The following PAPPA2 variants were observed in gnomAD, a reference collection of about 807,000 sequenced individuals.
PAPPA2 encodes the protein pappalysin-2.
A neutral mutation model predicts 176.4 loss-of-function variants in PAPPA2; 86 were observed. That is an observed-to-expected ratio of 0.49 (90% CI 0.41 to 0.58). The LOEUF (loss-of-function observed/expected upper bound fraction) is 0.58, where lower values mean the gene tolerates loss of function less well. Ranked by LOEUF, PAPPA2 falls within the 20% of genes least tolerant of loss-of-function variation. The pLI, the probability that PAPPA2 is intolerant of heterozygous loss-of-function variation, is 0.00. For missense variants in PAPPA2, 2,073 were observed against 2,256.9 expected, an observed-to-expected ratio of 0.92 and a Z score of 1.65; for synonymous variants, 809 against 852.2, an observed-to-expected ratio of 0.95 and a Z score of 0.88.
intron 2 of PAPPA2, among the ~76,000 whole-genome samples, chr1:176,569,057 T>G (rs928082072): frequency 1.3e-5 from 2 of 152,232 alleles, no homozygotes; most frequent in South Asian, 2.1e-4. Context: ...CATACTCATG[T>G]GTACACATGC....
chr1:176,738,283 A>G (rs973271095), intron 12 of PAPPA2, among the ~76,000 whole-genome samples: 2 of 152,112 alleles, frequency 1.3e-5, no homozygotes, highest in African/African-American at 2.4e-5. Context: ...ACACTGTAAA[A>G]AGAGAGAGTG....
At chr1:176,634,963 ATAAATAGATAG>A (rs1558487024) in intron 3 of PAPPA2, among the ~76,000 whole-genome samples, 63 of 121,890 alleles carry the variant, frequency 5.2e-4, no homozygotes, top group African/African-American at 1.7e-3. Flanking sequence ...AGATAGATAG[ATAAATAGATAG>A]ATAGATAGAT....
intron 6 of PAPPA2, among the ~76,000 whole-genome samples, chr1:176,694,278 A>T (rs1660257686): frequency 6.6e-6 from 1 of 152,228 alleles, no homozygotes. Context: ...TTGGATCTTA[A>T]CTACACCTTT....
At chr1:176,737,802 T>C (rs933161922) in intron 12 of PAPPA2, among the ~76,000 whole-genome samples, 1 of 152,058 alleles carries the variant, frequency 6.6e-6, no homozygotes, top group Admixed American at 6.6e-5. Flanking sequence ...GGCAGCGACG[T>C]TCAAAAGGTA....
At chr1:176,620,142 A>G (rs965511856) in intron 3 of PAPPA2, among the ~76,000 whole-genome samples, 3 of 152,168 alleles carry the variant, frequency 2.0e-5, no homozygotes, top group East Asian at 1.9e-4. Flanking sequence ...ATGTTCTCAC[A>G]TGGTGGAATG....
intron 3 of PAPPA2, chr1:176,616,712 G>T: frequency 6.9e-7 from 1 of 1,458,914 alleles, no homozygotes; most frequent in Non-Finnish European, 9.5e-7. Context: ...AGGTCACATT[G>T]GTTGGATTGT....
At chr1:176,720,807 C>T (rs896871346) in intron 12 of PAPPA2, among the ~76,000 whole-genome samples, 1 of 152,078 alleles carries the variant, frequency 6.6e-6, no homozygotes, top group Non-Finnish European at 1.5e-5. Flanking sequence ...CCAAGGAAGC[C>T]AATGGCATAA....
In PAPPA2 at chr1:176,588,071, T is replaced by A. The variant is rs372166682; in HGVS notation, c.920-6453T>A. Among the ~76,000 whole-genome samples, 6 of 152,344 alleles carry A rather than the reference T, an allele frequency of 3.9e-5. No individual in the cohort carries two copies. The East Asian group carries it at 9.6e-4, about 24-fold the overall frequency. On this transcript the variant is annotated intron_variant, in intron 2 of 22. Coordinates refer to ENST00000367662, the MANE Select transcript of PAPPA2 (RefSeq NM_020318.3). ...TGGAATGTTTTTCCATTTGTTTGTG[T>A]CCTCTCTTATATCCTTGAGCAGTGG...
chr1:176,482,189 G>A (rs1030868485), intron 1 of PAPPA2, among the ~76,000 whole-genome samples: 1 of 152,194 alleles, frequency 6.6e-6, no homozygotes. Flanking sequence ...ACGCAATTCA[G>A]AAAAGTCTCC....
intron 10 of PAPPA2, among the ~76,000 whole-genome samples, chr1:176,708,864 G>A (rs1661006921): frequency 1.3e-5 from 2 of 152,048 alleles, no homozygotes; most frequent in Non-Finnish European, 2.9e-5. Context: ...TTTTAGTAAT[G>A]CTCTTATTGA....
chr1:176,828,533 G>T (rs1666946813), intron 21 of PAPPA2, among the ~76,000 whole-genome samples: 1 of 151,252 alleles, frequency 6.6e-6, no homozygotes, highest in Admixed American at 6.6e-5. Flanking sequence ...TAATACATAT[G>T]AGAAAGGGAG....
At chr1:176,738,053 G>A (rs955917307) in intron 12 of PAPPA2, among the ~76,000 whole-genome samples, 1 of 152,128 alleles carries the variant, frequency 6.6e-6, no homozygotes, top group Non-Finnish European at 1.5e-5. Flanking sequence ...AAAAGGAAGA[G>A]GTTATGGAAA....
At chr1:176,526,826 C>T (rs1343000664) in intron 1 of PAPPA2, among the ~76,000 whole-genome samples, 1 of 152,220 alleles carries the variant, frequency 6.6e-6, no homozygotes, top group Non-Finnish European at 1.5e-5. Context: ...GTCTCACTTT[C>T]TGCCTAATTG....
chr1:176,626,596 A>G (rs567154094), intron 3 of PAPPA2, among the ~76,000 whole-genome samples: 3 of 152,370 alleles, frequency 2.0e-5, no homozygotes, highest in Admixed American at 6.5e-5. Context: ...AGTCATTTAA[A>G]ATGACTGGGT....
intron 21 of PAPPA2, among the ~76,000 whole-genome samples, chr1:176,816,233 G>A (rs1344905785): frequency 3.5e-5 from 2 of 57,766 alleles, no homozygotes; most frequent in South Asian, 4.8e-4. Flanking sequence ...ATTTATGTGT[G>A]TGTGTGTGTA....
intron 14 of PAPPA2, among the ~76,000 whole-genome samples, chr1:176,742,197 A>G (rs1662710693): frequency 6.6e-6 from 1 of 152,222 alleles, no homozygotes; most frequent in Non-Finnish European, 1.5e-5. Flanking sequence ...TCTGCTCAGT[A>G]TCTCTGAATA....
intron 3 of PAPPA2, among the ~76,000 whole-genome samples, chr1:176,645,634 T>A (rs1209109991): frequency 6.6e-6 from 1 of 151,768 alleles, no homozygotes. Context: ...GATCATATGG[T>A]AGTTCTAGTT....
At chr1:176,466,583 T>C (rs1044486652) in intron 1 of PAPPA2, among the ~76,000 whole-genome samples, 22 of 152,166 alleles carry the variant, frequency 1.4e-4, no homozygotes, top group African/African-American at 5.1e-4. Context: ...AGAAGGAATC[T>C]GATGAGTGCT....
intron 1 of PAPPA2, among the ~76,000 whole-genome samples, chr1:176,515,646 C>G (rs75340945): frequency 0.015 from 2,269 of 152,290 alleles, 32 homozygotes; most frequent in Non-Finnish European, 0.022. Context: ...CCCCTCTTTG[C>G]TCCATTGTTA....
Sources: gnomAD v4.1 joint callset for allele counts (sites outside exome capture counted in the v4.1 genomes callset) on GRCh38, gnomAD v4.1.1 for gene constraint, MANE v1.5 for transcripts, NCBI Gene and HGNC (gene_info 2026-07-23, HGNC 2026-07-21) for gene names.